The following VPS13C variants were observed in gnomAD, a reference collection of about 807,000 sequenced individuals.
VPS13C encodes vacuolar protein sorting 13 homolog C, also known as intermembrane lipid transfer protein VPS13C.
VPS13C carries 358 observed loss-of-function variants against 456.8 expected under a neutral mutation model. The ratio of observed to expected loss-of-function variants is 0.78; its 90% CI spans 0.72 to 0.86. The LOEUF (loss-of-function observed/expected upper bound fraction) is 0.86, where lower values mean the gene tolerates loss of function less well. Among genes scored for constraint, VPS13C ranks in the 40% least tolerant of loss-of-function variants. VPS13C has a pLI of 0.00. For missense variants in VPS13C, 4,818 were observed against 4,385.4 expected (o/e 1.10, Z -2.79); for synonymous variants, 1,578 against 1,486.7 (o/e 1.06, Z -1.41).
At chr15:61,894,159 T>A (rs1445809363) in intron 66 of VPS13C, among the ~76,000 whole-genome samples, 1 of 151,748 alleles carries the variant, frequency 6.6e-6, no homozygotes, top group African/African-American at 2.4e-5. Context: ...TACAAAAAAA[T>A]TAGCTAGGCG....
chr15:61,969,313 T>C lies in VPS13C; in HGVS notation c.2897A>G (p.Tyr966Cys), dbSNP rs2045475010. Residue 966 changes from tyrosine to cysteine, a missense_variant, in exon 28 of 85, where the codon TAT becomes TGT. This residue lies in a region of VPS13C where 4,552 missense variants were observed against 4,130.6 expected (regional missense o/e 1.10). Coordinates refer to ENST00000644861, the MANE Select transcript of VPS13C (RefSeq NM_020821.3). The stretch of plus-strand genomic sequence containing the variant: ...ATGGGTATTACCTTCAATTTCATGA[T>C]AATCCAAGCTGATTTTCTTTAAATA... ...VSYLKKISLDYHEIEGSKRKP... is the reference protein window; with the variant it reads ...VSYLKKISLDCHEIEGSKRKP... 6.3e-7 allele frequency: 1 copy of C among 1,597,460 alleles called. No individual in the cohort carries two copies. The highest frequency in any genetic ancestry group is 1.3e-5 in the African/African-American group (1 of 74,252).
intron 3 of VPS13C, among the ~76,000 whole-genome samples, chr15:62,039,614 A>G (rs1055813366): frequency 6.6e-6 from 1 of 152,198 alleles, no homozygotes; most frequent in African/African-American, 2.4e-5. Context: ...AAAGGTGCTC[A>G]ACATCACATC....
intron 23 of VPS13C, 43 bp from the exon 24 acceptor site, chr15:61,977,242 C>T (rs763397115): frequency 1.7e-6 from 2 of 1,211,392 alleles, no homozygotes; most frequent in Non-Finnish European, 1.1e-6. Flanking sequence ...TTTTTACAAA[C>T]AGCCATGGAA....
At chr15:61,866,494 A>G in intron 81 of VPS13C, 7 of 959,892 alleles carry the variant, frequency 7.3e-6, no homozygotes, top group Non-Finnish European at 8.7e-6. Flanking sequence ...ACAGCAATAT[A>G]ACCAGTAAAA....
chr15:61,890,155 T>C lies in VPS13C; in HGVS notation c.9341+10A>G, dbSNP rs1410606834. 6.2e-7 allele frequency: 1 copy of C among 1,612,942 alleles called. No individual in the cohort carries two copies. Among genetic ancestry groups the C allele is most frequent in the Admixed American group, 1.7e-5 (1 of 59,942 alleles). On this transcript the variant is annotated intron_variant, in intron 67 of 84. Coordinates refer to ENST00000644861, the MANE Select transcript of VPS13C (RefSeq NM_020821.3). ...AAGGTTTAGGATGTCTTATTTTCCTTCTTGCATACCTGGTTATCCCAATAT... is the reference window on the plus strand; with the variant it reads ...AAGGTTTAGGATGTCTTATTTTCCTCCTTGCATACCTGGTTATCCCAATAT...
chr15:61,967,083 C>T (rs1317711985), intron 29 of VPS13C, among the ~76,000 whole-genome samples: 1 of 151,874 alleles, frequency 6.6e-6, no homozygotes, highest in Non-Finnish European at 1.5e-5. Flanking sequence ...TATATATGAC[C>T]TATAATCAGT....
intron 16 of VPS13C, among the ~76,000 whole-genome samples, chr15:61,994,464 A>G (rs12905264): frequency 0.059 from 9,011 of 152,274 alleles, 336 homozygotes; most frequent in Non-Finnish European, 0.084. Context: ...CCTGTGAGAA[A>G]ATAAGGGATG....
At chr15:61,951,343 C>A (rs953343661) in intron 39 of VPS13C, among the ~76,000 whole-genome samples, 2 of 152,034 alleles carry the variant, frequency 1.3e-5, no homozygotes, top group African/African-American at 4.8e-5. Flanking sequence ...ATTCTCAATA[C>A]AAGTTTATTT....
At chr15:61,866,653 A>C (rs1894616337) in intron 81 of VPS13C, 2 of 984,984 alleles carry the variant, frequency 2.0e-6, no homozygotes, top group African/African-American at 3.5e-5. Context: ...GGCACAAGAA[A>C]GGTTTGTCAG....
rs201729614 is a variant in VPS13C at position 61,967,465 on chromosome 15, GA to G, written c.2912-19del. ...TTTGGATCCTAGATTAAAGAAAAAG[GA>G]AAAAAAAGTGTTTCAAATAAATTGC... On this transcript the variant is annotated intron_variant, in intron 28 of 84. Coordinates refer to ENST00000644861, the MANE Select transcript of VPS13C (RefSeq NM_020821.3). The G allele has an allele frequency of 7.8e-6, 12 of 1,544,304 alleles. No homozygotes were observed. The highest frequency in any genetic ancestry group is 6.3e-5 in the Admixed American group (3 of 47,844).
intron 51 of VPS13C, 38 bp downstream of exon 51, chr15:61,929,463 A>G (rs1426809630): frequency 1.3e-6 from 2 of 1,571,524 alleles, no homozygotes; most frequent in South Asian, 2.4e-5. Context: ...TTGTCAAAAT[A>G]TACAAGTTGT....
At chr15:61,971,711 C>A (rs1454526444) in intron 27 of VPS13C, among the ~76,000 whole-genome samples, 3 of 152,136 alleles carry the variant, frequency 2.0e-5, no homozygotes. Context: ...GAAGAGCAAT[C>A]ATCTGAATGC....
At chr15:61,878,896 C>T (rs1596283381) in intron 73 of VPS13C, 150 bp from the exon 74 acceptor site, 1 of 762,370 alleles carries the variant, frequency 1.3e-6, no homozygotes, top group Non-Finnish European at 2.0e-6. Flanking sequence ...TATAGCAGAA[C>T]AACCCACTTA....
chr15:61,863,376 T>A, intron 82 of VPS13C, 64 bp downstream of exon 82: 2 of 1,279,658 alleles, frequency 1.6e-6, no homozygotes, highest in Non-Finnish European at 2.2e-6. Context: ...CATTTTAGCC[T>A]TCAAAATTCT....
At chr15:61,919,222 A>G in intron 58 of VPS13C, 67 bp downstream of exon 58, 1 of 1,471,600 alleles carries the variant, frequency 6.8e-7, no homozygotes, top group Non-Finnish European at 9.2e-7. Context: ...GTATTCCTAT[A>G]TTCAGCTAAA....
At chr15:61,990,910 A>C in intron 18 of VPS13C, 90 bp downstream of exon 18, 1 of 837,096 alleles carries the variant, frequency 1.2e-6, no homozygotes, top group Non-Finnish European at 1.9e-6. Flanking sequence ...AATAACATTT[A>C]TATTACTTAA....
At chr15:61,890,644 T>C (rs991813861) in intron 66 of VPS13C, among the ~76,000 whole-genome samples, 1 of 152,280 alleles carries the variant, frequency 6.6e-6, no homozygotes. Flanking sequence ...ACCTACTGAG[T>C]GCTGAAGGGC....
chr15:61,909,170 C>G (rs1252786901), intron 64 of VPS13C, 45 bp from the exon 65 acceptor site: 2 of 1,602,262 alleles, frequency 1.2e-6, no homozygotes, highest in Admixed American at 3.4e-5. Flanking sequence ...CTGGTTTAAT[C>G]TACACTTACA....
At chr15:61,857,151 T>C (rs914143550) in intron 82 of VPS13C, among the ~76,000 whole-genome samples, 4 of 152,148 alleles carry the variant, frequency 2.6e-5, no homozygotes, top group African/African-American at 9.7e-5. Context: ...GACTATTAAT[T>C]CAACAAATAT....
Sources: allele counts gnomAD v4.1 joint callset (sites outside exome capture counted in the v4.1 genomes callset), GRCh38; gene constraint gnomAD v4.1.1; regional missense constraint gnomAD v4.1.1; transcripts MANE v1.5; gene names NCBI Gene and HGNC (gene_info 2026-07-23, HGNC 2026-07-21).